The following RGS6 variants were observed in gnomAD, a reference collection of about 807,000 sequenced individuals.
RGS6 encodes the protein regulator of G-protein signaling 6.
Under a neutral mutation model 78.5 loss-of-function variants are expected in RGS6, and 30 were observed. The observed-to-expected ratio is 0.38, with a 90% CI of 0.29 to 0.52. The LOEUF is 0.52. Ranked by LOEUF, RGS6 falls within the 20% of genes least tolerant of loss-of-function variation. The pLI, the probability that RGS6 is intolerant of heterozygous loss-of-function variation, is 0.85. For synonymous variants in RGS6, 206 were observed against 206.0 expected, an observed-to-expected ratio of 1.00 and a Z score of 0.00; for missense variants, 495 against 609.7, an observed-to-expected ratio of 0.81 and a Z score of 1.98.
At chr14:72,018,124 A>ATAGT (rs777539713) in intron 2 of RGS6, among the ~76,000 whole-genome samples, 1 of 152,126 alleles carries the variant, frequency 6.6e-6, no homozygotes, top group Non-Finnish European at 1.5e-5. Context: ...TTATGGCTGC[A>ATAGT]TAGTATTCCA....
intron 3 of RGS6, among the ~76,000 whole-genome samples, chr14:72,431,525 A>ATTTATTTTATTTTAT (rs56081815): frequency 0.032 from 4,664 of 147,604 alleles, 118 homozygotes; most frequent in African/African-American, 0.057. Context: ...ATTTTGTTTT[A>ATTTATTTTATTTTAT]TTTATTTTAT....
chr14:72,347,678 A>AGAAAAT (rs2078315810), intron 2 of RGS6, among the ~76,000 whole-genome samples: 1 of 152,204 alleles, frequency 6.6e-6, no homozygotes, highest in African/African-American at 2.4e-5. Flanking sequence ...ATGTTAACTA[A>AGAAAAT]GAAAATGAAA....
At chr14:72,559,329 T>C (rs2097637838) in intron 17 of RGS6, among the ~76,000 whole-genome samples, 1 of 152,216 alleles carries the variant, frequency 6.6e-6, no homozygotes, top group Admixed American at 6.5e-5. Flanking sequence ...TACAGGAGTC[T>C]CAGCTCTTCA....
At chr14:71,906,230 ACTCT>A in the RGS6 span, among the ~76,000 whole-genome samples, 2 of 152,022 alleles carry the variant, frequency 1.3e-5, no homozygotes, top group Non-Finnish European at 2.9e-5. Context: ...GCCAATAATA[ACTCT>A]CTCAACACAG....
chr14:71,907,543 G>A, the RGS6 span, among the ~76,000 whole-genome samples: 1 of 152,130 alleles, frequency 6.6e-6, no homozygotes, highest in Non-Finnish European at 1.5e-5. Context: ...AGGTCAGGGA[G>A]GTCCTTGCTT....
At chr14:72,497,518 C>T (rs2096661046) in intron 13 of RGS6, among the ~76,000 whole-genome samples, 1 of 151,940 alleles carries the variant, frequency 6.6e-6, no homozygotes, top group Non-Finnish European at 1.5e-5. Flanking sequence ...GTTATATTAA[C>T]TTTGTAAAAA....
At chr14:72,048,769 T>C (rs977520068) in intron 2 of RGS6, among the ~76,000 whole-genome samples, 3 of 152,190 alleles carry the variant, frequency 2.0e-5, no homozygotes, top group African/African-American at 7.2e-5. Flanking sequence ...TAATTATTTC[T>C]ATTCTATTTT....
rs77405209 is a variant in RGS6 at position 72,211,409 on chromosome 14, G to A, written c.85-140686G>A. On this transcript the variant is annotated intron_variant, in intron 2 of 17. Transcript: ENST00000553525. ...ATGCAGCTAGAAGTCAAACTGGTAG[G>A]TTGAGGAAGGAGTGGAAGCTAAGGC... 5.8e-3 allele frequency among the ~76,000 whole-genome samples: 887 copies of A among 152,306 alleles called. 4 individuals are homozygous for A. The highest frequency in any genetic ancestry group is 9.5e-3 in the Non-Finnish European group (649 of 68,022).
At chr14:72,032,988 G>A (rs924454652) in intron 2 of RGS6, among the ~76,000 whole-genome samples, 13 of 152,026 alleles carry the variant, frequency 8.6e-5, no homozygotes, top group Non-Finnish European at 1.5e-4. Flanking sequence ...TTACAGTTAC[G>A]TCCTGATAAA....
chr14:71,930,394 A>T (rs1878545998), upstream of RGS6, among the ~76,000 whole-genome samples: 1 of 152,172 alleles, frequency 6.6e-6, no homozygotes, highest in African/African-American at 2.4e-5. Flanking sequence ...TCTCTATTAC[A>T]TACATATATA....
chr14:72,135,750 C>A (rs2096425905), intron 2 of RGS6, among the ~76,000 whole-genome samples: 2 of 151,898 alleles, frequency 1.3e-5, no homozygotes, highest in African/African-American at 4.8e-5. Context: ...GCAAGGTTAA[C>A]AACAGATGGT....
chr14:72,519,260 C>T (rs141046326), intron 15 of RGS6, among the ~76,000 whole-genome samples: 319 of 152,316 alleles, frequency 2.1e-3, no homozygotes, highest in African/African-American at 7.2e-3. Context: ...TAAATTTTGA[C>T]GGCTGGGAGG....
chr14:72,343,639 G>A (rs889411437), intron 2 of RGS6, among the ~76,000 whole-genome samples: 3 of 44,136 alleles, frequency 6.8e-5, no homozygotes, highest in Non-Finnish European at 1.3e-4. Flanking sequence ...CCCCGTTTTC[G>A]TATCTTCTTC....
At chr14:71,987,914 A>G (rs757937573) in intron 2 of RGS6, among the ~76,000 whole-genome samples, 2 of 132,122 alleles carry the variant, frequency 1.5e-5, no homozygotes, top group African/African-American at 2.7e-5. Flanking sequence ...AGAAGACTTT[A>G]TGTGCTTTTT....
intron 17 of RGS6, among the ~76,000 whole-genome samples, chr14:72,546,174 T>C (rs561023831): frequency 6.6e-6 from 1 of 152,336 alleles, no homozygotes; most frequent in East Asian, 1.9e-4. Flanking sequence ...TTATCCTGTT[T>C]ACAATCAGTG....
At chr14:72,030,787 C>T (rs574270124) in intron 2 of RGS6, among the ~76,000 whole-genome samples, 101 of 152,214 alleles carry the variant, frequency 6.6e-4, no homozygotes, top group South Asian at 5.2e-3. Context: ...AAATCAAGTT[C>T]CCTGGGGAAT....
At chr14:71,968,408 T>C (rs1159125270) in intron 2 of RGS6, among the ~76,000 whole-genome samples, 2 of 152,224 alleles carry the variant, frequency 1.3e-5, no homozygotes, top group African/African-American at 4.8e-5. Flanking sequence ...TGCAAAGTAA[T>C]GAGAGAGTTG....
In RGS6 at chr14:72,127,897, A is replaced by T. The variant is rs555609692; in HGVS notation, c.84+163022A>T. On this transcript the variant is annotated intron_variant, in intron 2 of 17. Transcript: ENST00000553525. ...GTTTCTATAACTTATCACTTAAAGAATGCCACATAAATGGGATCATATAAT... is the reference window on the plus strand; with the variant it reads ...GTTTCTATAACTTATCACTTAAAGATTGCCACATAAATGGGATCATATAAT... Among the ~76,000 whole-genome samples the T allele has an allele frequency of 2.6e-5, 4 of 152,166 alleles. No homozygotes were observed. The East Asian group carries it at 5.8e-4, about 22-fold the overall frequency.
At chr14:71,950,524 T>C (rs2092182701) in intron 1 of RGS6, among the ~76,000 whole-genome samples, 1 of 152,116 alleles carries the variant, frequency 6.6e-6, no homozygotes, top group Non-Finnish European at 1.5e-5. Flanking sequence ...AAAGATTTCA[T>C]GACAAAAACA....
Sources: gnomAD v4.1 joint callset for allele counts (sites outside exome capture counted in the v4.1 genomes callset) on GRCh38, gnomAD v4.1.1 for gene constraint, MANE v1.5 for transcripts, NCBI Gene and HGNC (gene_info 2026-07-23, HGNC 2026-07-21) for gene names.